Variants in KLF12 observed in about 807,000 individuals in gnomAD.
KLF12 encodes Krueppel-like factor 12.
In KLF12, 9 loss-of-function variants were observed where a neutral mutation model predicts 37.8. That is an observed-to-expected ratio of 0.24 (90% CI 0.14 to 0.42). The LOEUF is 0.42. Ranked by LOEUF, KLF12 falls within the 10% of genes least tolerant of loss-of-function variation. The pLI, the probability that KLF12 is intolerant of heterozygous loss-of-function variation, is 1.00. For synonymous variants in KLF12, 208 were observed against 202.1 expected, an observed-to-expected ratio of 1.03 and a Z score of -0.25; for missense variants, 411 against 516.0, an observed-to-expected ratio of 0.80 and a Z score of 1.97.
intron 2 of KLF12, among the ~76,000 whole-genome samples, chr13:73,971,825 TTCAAGACCAC>T (rs1891352233): frequency 1.3e-5 from 2 of 152,104 alleles, no homozygotes; most frequent in Non-Finnish European, 2.9e-5. Context: ...TGACCAGAAG[TTCAAGACCAC>T]CCTGGGCAAC....
intron 3 of KLF12, among the ~76,000 whole-genome samples, chr13:73,883,967 A>G (rs1433640899): frequency 4.6e-5 from 7 of 152,164 alleles, no homozygotes; most frequent in Non-Finnish European, 8.8e-5. Flanking sequence ...GAGAAAGCTG[A>G]TCAGCCTGCC....
chr13:74,109,629 GA>G (rs1217479283), intron 1 of KLF12, among the ~76,000 whole-genome samples: 1 of 152,042 alleles, frequency 6.6e-6, no homozygotes, highest in Non-Finnish European at 1.5e-5. Context: ...AAAAGCATTT[GA>G]TAAAATTGTA....
At chr13:74,292,084 G>A in the KLF12 span, among the ~76,000 whole-genome samples, 1 of 152,208 alleles carries the variant, frequency 6.6e-6, no homozygotes, top group South Asian at 2.1e-4. Flanking sequence ...GTAAAAAGTA[G>A]AGAATAGACT....
intron 1 of KLF12, among the ~76,000 whole-genome samples, chr13:74,016,337 G>A (rs541245698): frequency 6.6e-6 from 1 of 152,056 alleles, no homozygotes; most frequent in African/African-American, 2.4e-5. Flanking sequence ...AAAACAATAC[G>A]GAGTATCTGG....
intron 1 of KLF12, among the ~76,000 whole-genome samples, chr13:74,017,258 TAAAAAAAAAA>T (rs56321692): frequency 2.2e-3 from 99 of 45,612 alleles, no homozygotes; most frequent in African/African-American, 7.1e-3. Context: ...GCCCTCAACC[TAAAAAAAAAA>T]AAAAAAAAAA....
intron 2 of KLF12, among the ~76,000 whole-genome samples, chr13:73,982,200 C>T (rs941189253): frequency 6.6e-6 from 1 of 152,184 alleles, no homozygotes; most frequent in African/African-American, 2.4e-5. Flanking sequence ...ATATGCTCAT[C>T]ACACAACAGA....
the KLF12 span, among the ~76,000 whole-genome samples, chr13:74,177,373 T>C: frequency 3.3e-5 from 5 of 152,184 alleles, no homozygotes; most frequent in African/African-American, 1.2e-4. Context: ...AGCCACATTT[T>C]ATAAGTGCCT....
chr13:73,956,412 C>A (rs58281273), intron 2 of KLF12, among the ~76,000 whole-genome samples: 2,698 of 152,264 alleles, frequency 0.018, 91 homozygotes, highest in African/African-American at 0.062. Context: ...GACATTTACA[C>A]CAGATAAGTC....
chr13:74,172,671 C>A, the KLF12 span, among the ~76,000 whole-genome samples: 1 of 152,186 alleles, frequency 6.6e-6, no homozygotes, highest in South Asian at 2.1e-4. Flanking sequence ...AGCCATCCCA[C>A]AGATTTCCCT....
At chr13:73,800,415 TACGAATTAGATTAGA>T (rs1418226626) in intron 5 of KLF12, 1 of 152,024 alleles carries the variant, frequency 6.6e-6, no homozygotes, top group Non-Finnish European at 1.5e-5. Flanking sequence ...AGCTAAAACT[TACGAATTAGATTAGA>T]AAAACAGATA....
the KLF12 span, among the ~76,000 whole-genome samples, chr13:74,171,236 CAA>C: frequency 6.6e-6 from 1 of 152,132 alleles, no homozygotes; most frequent in Non-Finnish European, 1.5e-5. Context: ...ATGCCTTGCT[CAA>C]AGAGTGAAAC....
chr13:73,794,976 G>C (rs914197237), intron 5 of KLF12, among the ~76,000 whole-genome samples: 1 of 152,100 alleles, frequency 6.6e-6, no homozygotes, highest in African/African-American at 2.4e-5. Context: ...GCGTCTTTGT[G>C]CTCCTGTCTC....
At chr13:74,246,658 ACCGGACAGAT>A in the KLF12 span, among the ~76,000 whole-genome samples, 1 of 152,316 alleles carries the variant, frequency 6.6e-6, no homozygotes, top group African/African-American at 2.4e-5. Context: ...CTCCAGAAAC[ACCGGACAGAT>A]GGCAAAGATC....
chr13:74,052,494 G>A (rs901176479), intron 1 of KLF12, among the ~76,000 whole-genome samples: 9 of 151,992 alleles, frequency 5.9e-5, no homozygotes, highest in African/African-American at 1.5e-4. Flanking sequence ...AAATAACAAT[G>A]AGCCAACTTA....
At chr13:74,169,607 G>T in the KLF12 span, among the ~76,000 whole-genome samples, 1 of 152,194 alleles carries the variant, frequency 6.6e-6, no homozygotes, top group African/African-American at 2.4e-5. Context: ...TTAGAAATAA[G>T]CTACCACTCT....
chr13:73,921,016 T>C (rs1889086729), intron 3 of KLF12, among the ~76,000 whole-genome samples: 1 of 152,102 alleles, frequency 6.6e-6, no homozygotes, highest in Non-Finnish European at 1.5e-5. Flanking sequence ...AGAGATTAAC[T>C]GATAGGAAAG....
chr13:73,979,016 G>C (rs1189823145), intron 2 of KLF12, among the ~76,000 whole-genome samples: 2 of 152,238 alleles, frequency 1.3e-5, no homozygotes, highest in African/African-American at 4.8e-5. Context: ...TGGGGAGACA[G>C]AGGGATGAAC....
intron 1 of KLF12, among the ~76,000 whole-genome samples, chr13:74,066,774 G>A (rs1873941905): frequency 6.6e-6 from 1 of 152,112 alleles, no homozygotes; most frequent in Non-Finnish European, 1.5e-5. Context: ...AGCTGTCTTT[G>A]ATAGTCCTCC....
At chr13:73,920,706 T>A (rs1377940923) in intron 3 of KLF12, among the ~76,000 whole-genome samples, 1 of 152,138 alleles carries the variant, frequency 6.6e-6, no homozygotes, top group Non-Finnish European at 1.5e-5. Flanking sequence ...TCAAACACAA[T>A]GGATTTCCTG....
Sources: gnomAD v4.1 joint callset for allele counts (sites outside exome capture counted in the v4.1 genomes callset) on GRCh38, gnomAD v4.1.1 for gene constraint, MANE v1.5 for transcripts, NCBI Gene and HGNC (gene_info 2026-07-23, HGNC 2026-07-21) for gene names.